The following SPARCL1 variants were observed in gnomAD, a reference collection of about 807,000 sequenced individuals.
The protein encoded by SPARCL1 is SPARC-like protein 1.
In SPARCL1, 52 loss-of-function variants were observed where a neutral mutation model predicts 67.1. The ratio of observed to expected loss-of-function variants is 0.78; its 90% confidence interval spans 0.62 to 0.98. The LOEUF (loss-of-function observed/expected upper bound fraction) is 0.98, where lower values mean the gene tolerates loss of function less well. Ranked by LOEUF, SPARCL1 falls within the 50% of genes least tolerant of loss-of-function variation. The pLI is 0.00. For synonymous variants in SPARCL1, 226 were observed against 267.8 expected (o/e 0.84, Z 1.52); for missense variants, 717 against 782.4 (o/e 0.92, Z 1.00).
intron 1 of SPARCL1, among the ~76,000 whole-genome samples, chr4:87,507,820 C>T (rs1354238498): frequency 6.6e-6 from 1 of 152,212 alleles, no homozygotes; most frequent in African/African-American, 2.4e-5. Flanking sequence ...TGACTGGTTT[C>T]AAGTTGGGCT....
At chr4:87,517,304 T>C (rs1725621839) in intron 1 of SPARCL1, among the ~76,000 whole-genome samples, 1 of 152,158 alleles carries the variant, frequency 6.6e-6, no homozygotes, top group African/African-American at 2.4e-5. Context: ...TTTTGACTTT[T>C]ATATTTTTAA....
At chr4:87,504,695 G>A (rs1384914471) in intron 1 of SPARCL1, 1 of 151,928 alleles carries the variant, frequency 6.6e-6, no homozygotes, top group Non-Finnish European at 1.5e-5. Context: ...TAAGGAAGGG[G>A]GACAAAAACT....
intron 1 of SPARCL1, among the ~76,000 whole-genome samples, chr4:87,523,638 C>T (rs1244451462): frequency 6.6e-6 from 1 of 152,146 alleles, no homozygotes; most frequent in African/African-American, 2.4e-5. Flanking sequence ...TGAACATACA[C>T]ATTGGTGTTA....
At chr4:87,527,867 TA>T (rs11407663) in intron 1 of SPARCL1, among the ~76,000 whole-genome samples, 8 of 148,456 alleles carry the variant, frequency 5.4e-5, no homozygotes, top group Admixed American at 2.7e-4. Context: ...GTGTTTTGAA[TA>T]AAAAAAAAAT....
chr4:87,509,548 G>A (rs1725259130), intron 1 of SPARCL1, among the ~76,000 whole-genome samples: 1 of 152,216 alleles, frequency 6.6e-6, no homozygotes, highest in Non-Finnish European at 1.5e-5. Flanking sequence ...CACACAGCTA[G>A]ATGTACTCTA....
rs114630680 is a variant in SPARCL1, at chr4:87,495,080, C to T, written c.102G>A (p.Thr34=). 1.1e-4 allele frequency: 177 copies of T among 1,611,514 alleles called. No individual in the cohort carries two copies. The African/African-American group carries it at 2.1e-3, about 19-fold the overall frequency. Reference sequence around the variant, plus strand: ...GGATTGCAGTGTTGTCAGGTGCTACCGTTTCAGCAGTTGGTTTGGAATGAT... The same window carrying T: ...GGATTGCAGTGTTGTCAGGTGCTACTGTTTCAGCAGTTGGTTTGGAATGAT... ...LSDHSKPTAE[T]VAPDNTAIPS... The change falls in exon 3 of 11, where the codon ACG becomes ACA. Residue 34 remains threonine, a synonymous_variant. Coordinates refer to ENST00000282470, the MANE Select transcript of SPARCL1 (RefSeq NM_004684.6).
chr4:87,514,594 C>T lies in SPARCL1; in HGVS notation c.-12+14451G>A, dbSNP rs72654116. On this transcript the variant is annotated intron_variant, in intron 1 of 10. Transcript: ENST00000282470. ...TTTATTTTTGAAGGACCTTGTGGGA[C>T]AATCCAGTATCTAGACTTTAAAACG... Among the ~76,000 whole-genome samples the T allele has an allele frequency of 4.5e-3, 689 of 152,292 alleles. 2 individuals are homozygous for T. Among genetic ancestry groups the T allele is most frequent in the Non-Finnish European group, 6.8e-3 (465 of 68,016 alleles).
intron 7 of SPARCL1, among the ~76,000 whole-genome samples, chr4:87,487,108 G>C (rs1041979313): frequency 1.3e-5 from 2 of 151,288 alleles, no homozygotes; most frequent in African/African-American, 2.4e-5. Context: ...AATTAATATT[G>C]TTATGTGTGA....
chr4:87,506,201 T>C (rs1045570225), intron 1 of SPARCL1, among the ~76,000 whole-genome samples: 2 of 152,176 alleles, frequency 1.3e-5, no homozygotes, highest in African/African-American at 4.8e-5. Context: ...TAGAGAGACA[T>C]GCATTTGAAC....
At chr4:87,489,024 G>A (rs1178630263) in intron 7 of SPARCL1, among the ~76,000 whole-genome samples, 2 of 152,204 alleles carry the variant, frequency 1.3e-5, no homozygotes, top group Admixed American at 6.5e-5. Flanking sequence ...AGCTTGCTGG[G>A]CTCTGTGGGG....
At chr4:87,499,412 TAAA>T (rs1393187852) in intron 2 of SPARCL1, 106 bp downstream of exon 2, 1 of 928,840 alleles carries the variant, frequency 1.1e-6, no homozygotes, top group African/African-American at 1.7e-5. Context: ...ATAATTAAAA[TAAA>T]AAGAGAATTT....
At chr4:87,525,215 C>T (rs1725990984) in intron 1 of SPARCL1, among the ~76,000 whole-genome samples, 1 of 151,886 alleles carries the variant, frequency 6.6e-6, no homozygotes, top group Admixed American at 6.6e-5. Flanking sequence ...CCACATTTCA[C>T]AAGTGGGGGA....
chr4:87,506,653 A>C (rs1725084792), intron 1 of SPARCL1, among the ~76,000 whole-genome samples: 1 of 152,188 alleles, frequency 6.6e-6, no homozygotes, highest in South Asian at 2.1e-4. Flanking sequence ...ATTGGTTCTC[A>C]GGTCTTCAGA....
chr4:87,497,486 CA>C (rs1219267444), intron 2 of SPARCL1, among the ~76,000 whole-genome samples: 1 of 152,194 alleles, frequency 6.6e-6, no homozygotes, highest in Non-Finnish European at 1.5e-5. Flanking sequence ...AAATATTCTG[CA>C]ATTGAAATTA....
intron 9 of SPARCL1, among the ~76,000 whole-genome samples, chr4:87,480,049 T>C (rs1723746928): frequency 1.3e-5 from 2 of 151,990 alleles, no homozygotes; most frequent in African/African-American, 4.8e-5. Flanking sequence ...TTTTAATGAA[T>C]ATTACATAGC....
Position 87,473,726 on chromosome 4 carries a change from GT to G in SPARCL1, c.*48del. On this transcript the variant is annotated 3_prime_UTR_variant, in exon 11 of 11. Coordinates refer to ENST00000282470, the MANE Select transcript of SPARCL1 (RefSeq NM_004684.6). Reference sequence around the variant, plus strand: ...CACAGCTGCATATATTTCTGAAGTGGTTAGAACAGAGGAGGATGCTGGAAAG... The same window carrying G: ...CACAGCTGCATATATTTCTGAAGTGGTAGAACAGAGGAGGATGCTGGAAAG... The G allele has an allele frequency of 6.9e-7, 1 of 1,447,184 alleles. No individual in the cohort carries two copies. 89.6% of individuals were successfully genotyped at this position (1,447,184 alleles called of 1,614,324 possible). A position where few individuals can be genotyped will look rare whatever the true frequency, so the allele number is the denominator to read the frequency against.
intron 1 of SPARCL1, among the ~76,000 whole-genome samples, chr4:87,510,409 G>T (rs1487833682): frequency 3.3e-5 from 5 of 152,124 alleles, no homozygotes; most frequent in Non-Finnish European, 5.9e-5. Flanking sequence ...TCTGAATACT[G>T]TCTTTTTACC....
intron 1 of SPARCL1, among the ~76,000 whole-genome samples, chr4:87,519,404 TAACTC>T (rs1578116993): frequency 6.6e-6 from 1 of 152,286 alleles, no homozygotes; most frequent in Non-Finnish European, 1.5e-5. Flanking sequence ...GGCAATTAGA[TAACTC>T]AAGTTGAATC....
intron 2 of SPARCL1, among the ~76,000 whole-genome samples, chr4:87,497,819 A>G (rs895779738): frequency 6.6e-6 from 1 of 152,108 alleles, no homozygotes. Context: ...GCTGTGTGCG[A>G]TCTTGGCTCA....
Sources: gnomAD v4.1 joint callset for allele counts (sites outside exome capture counted in the v4.1 genomes callset) on GRCh38, gnomAD v4.1.1 for gene constraint, MANE v1.5 for transcripts, NCBI Gene and HGNC (gene_info 2026-07-23, HGNC 2026-07-21) for gene names.